The following LTBP2 variants were observed in gnomAD, a reference collection of about 807,000 sequenced individuals.
The protein encoded by LTBP2 is latent-transforming growth factor beta-binding protein 2.
LTBP2 carries 103 observed loss-of-function variants against 210.6 expected under a neutral mutation model. The observed-to-expected ratio is 0.49, with a 90% CI of 0.42 to 0.58. LTBP2 has a LOEUF of 0.58. Among genes scored for constraint, LTBP2 ranks in the 20% least tolerant of loss-of-function variants. LTBP2 has a pLI of 0.00. For missense variants in LTBP2, 2,313 were observed against 2,494.5 expected, an observed-to-expected ratio of 0.93 and a Z score of 1.55; for synonymous variants, 1,007 against 1,015.0, an observed-to-expected ratio of 0.99 and a Z score of 0.15.
intron 3 of LTBP2, among the ~76,000 whole-genome samples, chr14:74,569,116 C>T (rs948543342): frequency 7.0e-6 from 1 of 143,400 alleles, no homozygotes; most frequent in Non-Finnish European, 1.5e-5. Context: ...AGGCATGGGT[C>T]CAAGTCATCT....
chr14:74,552,053 G>C, intron 6 of LTBP2, 134 bp downstream of exon 6: 1 of 819,582 alleles, frequency 1.2e-6, no homozygotes, highest in Non-Finnish European at 2.0e-6. Context: ...TGAGGGCCAG[G>C]AGAAAGAGGG....
chr14:74,526,181 C>T, intron 13 of LTBP2, 67 bp from the exon 14 acceptor site: 2 of 1,486,760 alleles, frequency 1.3e-6, no homozygotes, highest in Admixed American at 3.8e-5. Context: ...CACCTTCCAC[C>T]ACACTGACCC....
At chr14:74,555,353 G>C (rs2087715079) in intron 4 of LTBP2, 150 bp downstream of exon 4, 1 of 840,814 alleles carries the variant, frequency 1.2e-6, no homozygotes, top group African/African-American at 1.7e-5. Context: ...GCACAAAGCA[G>C]GTGCTCAACA....
chr14:74,560,373 T>C (rs1383710011), intron 3 of LTBP2, among the ~76,000 whole-genome samples: 1 of 152,126 alleles, frequency 6.6e-6, no homozygotes, highest in East Asian at 1.9e-4. Context: ...TCCACCACAG[T>C]CTGTTCTCAA....
intron 3 of LTBP2, among the ~76,000 whole-genome samples, chr14:74,584,728 C>T (rs1334771556): frequency 6.6e-6 from 1 of 152,158 alleles, no homozygotes; most frequent in Non-Finnish European, 1.5e-5. Flanking sequence ...TTTCTTCCTG[C>T]TCCTAGCTGC....
Position 74,510,101 on chromosome 14 carries a change from C to T in LTBP2, c.3141G>A (p.Lys1047=). Residue 1047 remains lysine, a synonymous_variant, in exon 20 of 36, where the codon AAG becomes AAA. Coordinates refer to ENST00000261978, the MANE Select transcript of LTBP2 (RefSeq NM_000428.3). ...TCAGCATCTCTGTACCTTGGCAGCC[C>T]TTCTCATCTGAGGTGACCTCATAGC... ...EQGYEVTSDE[K]GCQDVDECAS... 6.2e-7 allele frequency: 1 copy of T among 1,614,076 alleles called. No homozygotes were observed. The highest frequency in any genetic ancestry group is 8.5e-7 in the Non-Finnish European group (1 of 1,180,010).
intron 3 of LTBP2, among the ~76,000 whole-genome samples, chr14:74,562,620 A>G (rs1276771025): frequency 6.6e-6 from 1 of 151,540 alleles, no homozygotes; most frequent in Non-Finnish European, 1.5e-5. Context: ...TGAACAGGTC[A>G]CAGAAAAAAA....
rs996746157 is a variant in LTBP2, at chr14:74,499,370, A to C, written c.*1514T>G. On this transcript the variant is annotated 3_prime_UTR_variant, in exon 36 of 36. Coordinates refer to ENST00000261978, the MANE Select transcript of LTBP2 (RefSeq NM_000428.3). ...CACCTGTAAATTGAGAATAAACAAT[A>C]GTAAGTAGGATTATTGGATAATTAA... 4.5e-6 allele frequency: 1 copy of C among 222,778 alleles called. No homozygotes were observed. The highest frequency in any genetic ancestry group is 9.0e-6 in the Non-Finnish European group (1 of 111,306). The allele number at this position is 222,778 out of a possible 1,614,324, so 13.8% of individuals were successfully genotyped here.
chr14:74,504,937 C>T, intron 29 of LTBP2, 46 bp downstream of exon 29: 2 of 1,614,024 alleles, frequency 1.2e-6, no homozygotes, highest in Non-Finnish European at 1.7e-6. Flanking sequence ...TCAGTGTCAC[C>T]TTGCAGAGCT....
chr14:74,535,919 G>C lies in LTBP2; in HGVS notation c.1864+7C>G. On this transcript the variant is annotated splice_region_variant and intron_variant, in intron 9 of 35. Coordinates refer to ENST00000261978, the MANE Select transcript of LTBP2 (RefSeq NM_000428.3). ...CTTGAGCCCAGCCCTGGCCCTGGGG[G>C]TCCTACCTTGGCAGTGAGTGAGGTT... The C allele has an allele frequency of 6.2e-7, 1 of 1,613,820 alleles. No individual in the cohort carries two copies.
chr14:74,588,306 C>G (rs1043319680), intron 2 of LTBP2, among the ~76,000 whole-genome samples: 2 of 152,168 alleles, frequency 1.3e-5, no homozygotes, highest in Admixed American at 6.5e-5. Flanking sequence ...ACCACAAACT[C>G]CGCCTCCCAG....
chr14:74,510,947 A>G (rs769311305), intron 19 of LTBP2, among the ~76,000 whole-genome samples: 1 of 152,178 alleles, frequency 6.6e-6, no homozygotes, highest in Non-Finnish European at 1.5e-5. Context: ...CCCCATCCTA[A>G]GACCCTTAGG....
intron 3 of LTBP2, among the ~76,000 whole-genome samples, chr14:74,565,640 T>C (rs944143945): frequency 1.4e-4 from 22 of 152,112 alleles, no homozygotes; most frequent in African/African-American, 5.1e-4. Flanking sequence ...TATCTTGAGA[T>C]GGAAACACCC....
At chr14:74,588,851 G>A (rs2088244395) in intron 2 of LTBP2, among the ~76,000 whole-genome samples, 1 of 152,184 alleles carries the variant, frequency 6.6e-6, no homozygotes, top group Admixed American at 6.5e-5. Flanking sequence ...CTAGTTAATG[G>A]TGGAGCCAGG....
chr14:74,590,571 G>A (rs957417028), intron 2 of LTBP2, among the ~76,000 whole-genome samples: 5 of 152,112 alleles, frequency 3.3e-5, no homozygotes, highest in Admixed American at 1.3e-4. Context: ...CAGCATGGGC[G>A]ACAGTGAGAC....
chr14:74,600,071 G>T (rs572948584), intron 2 of LTBP2, among the ~76,000 whole-genome samples: 11 of 152,180 alleles, frequency 7.2e-5, no homozygotes, highest in Admixed American at 3.3e-4. Context: ...CCACAGGGGT[G>T]GGGGAGAGCC....
At chr14:74,600,857 G>A (rs532859432) in intron 2 of LTBP2, among the ~76,000 whole-genome samples, 34 of 152,302 alleles carry the variant, frequency 2.2e-4, no homozygotes, top group African/African-American at 6.3e-4. Context: ...GGCCAGCAGC[G>A]TCAGCGTTCC....
chr14:74,592,131 A>G (rs1335758523), intron 2 of LTBP2, among the ~76,000 whole-genome samples: 1 of 152,222 alleles, frequency 6.6e-6, no homozygotes, highest in Non-Finnish European at 1.5e-5. Flanking sequence ...ACTGAAGTGA[A>G]ACATTCCTAT....
chr14:74,571,883 CAG>C (rs1013985999), intron 3 of LTBP2, among the ~76,000 whole-genome samples: 1 of 151,896 alleles, frequency 6.6e-6, no homozygotes, highest in African/African-American at 2.4e-5. Flanking sequence ...TTGCAAGGAA[CAG>C]GGATTTTTTT....
Sources: allele counts gnomAD v4.1 joint callset (sites outside exome capture counted in the v4.1 genomes callset), GRCh38; gene constraint gnomAD v4.1.1; transcripts MANE v1.5; gene names NCBI Gene and HGNC (gene_info 2026-07-23, HGNC 2026-07-21).